Variants in PLPP1 observed in about 807,000 individuals in gnomAD.
PLPP1 encodes phospholipid phosphatase 1.
A neutral mutation model predicts 31.2 loss-of-function variants in PLPP1; 24 were observed. That is an observed-to-expected ratio of 0.77 (90% confidence interval 0.56 to 1.08). The LOEUF (loss-of-function observed/expected upper bound fraction) is 1.08. PLPP1 is among the 50% of genes least tolerant of loss of function. The pLI is 0.00. For synonymous variants in PLPP1, 146 were observed against 126.3 expected, an observed-to-expected ratio of 1.16 and a Z score of -1.05; for missense variants, 319 against 342.7, an observed-to-expected ratio of 0.93 and a Z score of 0.55.
At chr5:55,480,793 G>T (rs574751339) in intron 1 of PLPP1, among the ~76,000 whole-genome samples, 2 of 152,120 alleles carry the variant, frequency 1.3e-5, no homozygotes, top group Admixed American at 6.6e-5. Context: ...TTTCTAATGG[G>T]TAGATACCTA....
chr5:55,446,874 G>A (rs1389754650), intron 3 of PLPP1, among the ~76,000 whole-genome samples: 2 of 151,968 alleles, frequency 1.3e-5, no homozygotes, highest in South Asian at 2.1e-4. Flanking sequence ...CCTCTTCCCC[G>A]GCCTCAGCCT....
intron 1 of PLPP1, among the ~76,000 whole-genome samples, chr5:55,516,713 C>G (rs1424282047): frequency 6.6e-6 from 1 of 152,194 alleles, no homozygotes; most frequent in African/African-American, 2.4e-5. Flanking sequence ...CATACTCAAA[C>G]TTTATGTATC....
chr5:55,515,912 G>A (rs1753546195), intron 1 of PLPP1, among the ~76,000 whole-genome samples: 1 of 151,980 alleles, frequency 6.6e-6, no homozygotes, highest in African/African-American at 2.4e-5. Flanking sequence ...CTGAGCTCTA[G>A]AACCATTATC....
chr5:55,439,008 C>CT (rs1751560449), intron 4 of PLPP1, among the ~76,000 whole-genome samples: 4 of 152,098 alleles, frequency 2.6e-5, no homozygotes, highest in Admixed American at 2.6e-4. Context: ...ATTTCCACTA[C>CT]CTAGAGTCAG....
chr5:55,507,139 G>A (rs189684336), intron 1 of PLPP1, among the ~76,000 whole-genome samples: 42 of 152,254 alleles, frequency 2.8e-4, no homozygotes, highest in Non-Finnish European at 4.4e-4. Context: ...AGTAAAGAAA[G>A]TCATTCAAAA....
chr5:55,493,142 G>A (rs553867962), intron 1 of PLPP1, among the ~76,000 whole-genome samples: 268 of 152,096 alleles, frequency 1.8e-3, no homozygotes, highest in African/African-American at 6.2e-3. Context: ...TTGAGACCTC[G>A]TCTCTACAAA....
At chr5:55,521,516 CAAAAAAA>C (rs1203949104) in intron 1 of PLPP1, among the ~76,000 whole-genome samples, 1 of 147,906 alleles carries the variant, frequency 6.8e-6, no homozygotes, top group Non-Finnish European at 1.5e-5. Flanking sequence ...GACTCTGTCT[CAAAAAAA>C]AACAAAAAAC....
intron 1 of PLPP1, among the ~76,000 whole-genome samples, chr5:55,489,908 C>T (rs1444608121): frequency 1.3e-5 from 2 of 152,146 alleles, no homozygotes; most frequent in Non-Finnish European, 2.9e-5. Flanking sequence ...AAATCTTCAC[C>T]TTGCTCCTTC....
chr5:55,427,484 A>AAAGT (rs982332918), intron 4 of PLPP1, among the ~76,000 whole-genome samples: 8 of 152,168 alleles, frequency 5.3e-5, no homozygotes, highest in Non-Finnish European at 1.0e-4. Flanking sequence ...AGCTGTGAAA[A>AAAGT]AAGTAAGTAG....
At chr5:55,517,595 G>A (rs916972286) in intron 1 of PLPP1, among the ~76,000 whole-genome samples, 1 of 152,134 alleles carries the variant, frequency 6.6e-6, no homozygotes, top group Non-Finnish European at 1.5e-5. Flanking sequence ...AGCAAATCTA[G>A]AATACGGACC....
intron 1 of PLPP1, among the ~76,000 whole-genome samples, chr5:55,482,678 G>A (rs991860157): frequency 2.0e-5 from 3 of 152,186 alleles, no homozygotes; most frequent in Admixed American, 6.5e-5. Flanking sequence ...CAAGAGAGAT[G>A]TGCCTTGCCA....
At chr5:55,440,701 T>C (rs1228931663) in intron 4 of PLPP1, among the ~76,000 whole-genome samples, 1 of 152,230 alleles carries the variant, frequency 6.6e-6, no homozygotes, top group Non-Finnish European at 1.5e-5. Context: ...ACATCTACAA[T>C]TTACATATTC....
intron 2 of PLPP1, among the ~76,000 whole-genome samples, chr5:55,470,637 A>G (rs1752396065): frequency 6.6e-6 from 1 of 152,200 alleles, no homozygotes; most frequent in African/African-American, 2.4e-5. Flanking sequence ...AGAAGTTCTA[A>G]ATCAATTCTT....
intron 1 of PLPP1, among the ~76,000 whole-genome samples, chr5:55,482,280 C>T (rs539430660): frequency 3.3e-5 from 5 of 151,390 alleles, no homozygotes; most frequent in South Asian, 4.2e-4. Flanking sequence ...CCCTCACCCC[C>T]GAAAAACTGT....
intron 1 of PLPP1, among the ~76,000 whole-genome samples, chr5:55,534,003 T>C (rs1325500348): frequency 6.6e-6 from 1 of 151,988 alleles, no homozygotes; most frequent in Non-Finnish European, 1.5e-5. Flanking sequence ...TACCGCATCC[T>C]CCCCCACCCC....
intron 1 of PLPP1, among the ~76,000 whole-genome samples, chr5:55,526,316 C>T (rs375944358): frequency 1.2e-4 from 19 of 152,166 alleles, no homozygotes; most frequent in East Asian, 7.7e-4. Flanking sequence ...ATAAGGGGAA[C>T]GTTTTCTGAA....
intron 1 of PLPP1, among the ~76,000 whole-genome samples, chr5:55,503,340 C>T (rs771457370): frequency 5.3e-5 from 8 of 152,108 alleles, no homozygotes; most frequent in Non-Finnish European, 1.2e-4. Context: ...AGTATATTGC[C>T]TGGTCATCTG....
intron 4 of PLPP1, among the ~76,000 whole-genome samples, chr5:55,432,565 G>T (rs1486916600): frequency 6.6e-6 from 1 of 152,062 alleles, no homozygotes; most frequent in Non-Finnish European, 1.5e-5. Context: ...AAACAGACAA[G>T]GATGCAACAT....
chr5:55,500,688 G>A (rs4865951), intron 1 of PLPP1, among the ~76,000 whole-genome samples: 9,248 of 152,136 alleles, frequency 0.061, 511 homozygotes, highest in African/African-American at 0.13. Flanking sequence ...AGGGGGCTGT[G>A]AAAAGAGCTG....
Sources: gnomAD v4.1 joint callset for allele counts (sites outside exome capture counted in the v4.1 genomes callset) on GRCh38, gnomAD v4.1.1 for gene constraint, MANE v1.5 for transcripts, NCBI Gene and HGNC (gene_info 2026-07-23, HGNC 2026-07-21) for gene names.